The following SPMIP4 variants were observed in gnomAD, a reference collection of about 807,000 sequenced individuals.
The protein encoded by SPMIP4 is sperm-associated microtubule inner protein 4.
chr7:25,158,963 C>T, the SPMIP4 span, among the ~76,000 whole-genome samples: 6 of 152,120 alleles, frequency 3.9e-5, no homozygotes, highest in African/African-American at 1.4e-4. Context: ...ACAAGACAGG[C>T]ATATGTTGTT....
At chr7:25,168,859 GAC>G in the SPMIP4 span, among the ~76,000 whole-genome samples, 1 of 151,052 alleles carries the variant, frequency 6.6e-6, no homozygotes, top group African/African-American at 2.4e-5. Context: ...CCGAGTAGCT[GAC>G]ATTACAGGGG....
the SPMIP4 span, among the ~76,000 whole-genome samples, chr7:25,132,741 C>T: frequency 6.6e-6 from 1 of 152,078 alleles, no homozygotes; most frequent in Non-Finnish European, 1.5e-5. This position sits in a 1 kb window ranked among gnomAD's most constrained non-coding sequence, Gnocchi z 5.0. Context: ...TAAACAATAC[C>T]TAATTTACAA....
the SPMIP4 span, among the ~76,000 whole-genome samples, chr7:25,152,401 A>G: frequency 4.6e-5 from 7 of 152,170 alleles, no homozygotes; most frequent in East Asian, 5.8e-4. Flanking sequence ...TGTTCTGAAC[A>G]CCCATCTTCA....
the SPMIP4 span, among the ~76,000 whole-genome samples, chr7:25,155,505 A>G: frequency 6.6e-6 from 1 of 152,204 alleles, no homozygotes; most frequent in Non-Finnish European, 1.5e-5. Context: ...CAAAAAATAA[A>G]TGAGTTTTGT....
At chr7:25,137,453 TGAG>T in the SPMIP4 span, among the ~76,000 whole-genome samples, 1 of 152,146 alleles carries the variant, frequency 6.6e-6, no homozygotes, top group African/African-American at 2.4e-5. Flanking sequence ...GCTGCCATAA[TGAG>T]GTACCACAAA....
At chr7:25,144,571 C>A in the SPMIP4 span, among the ~76,000 whole-genome samples, 2 of 152,206 alleles carry the variant, frequency 1.3e-5, no homozygotes, top group Non-Finnish European at 2.9e-5. Flanking sequence ...TAAGAAGGGC[C>A]TAGGATTGGG....
the SPMIP4 span, among the ~76,000 whole-genome samples, chr7:25,140,545 A>AC: frequency 9.2e-5 from 14 of 151,468 alleles, no homozygotes; most frequent in Admixed American, 9.2e-4. Flanking sequence ...CAGGTGGTCC[A>AC]CCCGCCTCAG....
the SPMIP4 span, among the ~76,000 whole-genome samples, chr7:25,154,578 A>G: frequency 1.3e-5 from 2 of 152,162 alleles, no homozygotes; most frequent in African/African-American, 2.4e-5. Flanking sequence ...TCTTATTTCA[A>G]TGGGGATCTT....
At chr7:25,172,786 T>C in the SPMIP4 span, among the ~76,000 whole-genome samples, 5 of 152,140 alleles carry the variant, frequency 3.3e-5, no homozygotes, top group East Asian at 1.9e-4. This position sits in a 1 kb window ranked among gnomAD's most constrained non-coding sequence, Gnocchi z 4.2. Flanking sequence ...GCTGAGAAAA[T>C]AGAGTTGAAT....
At chr7:25,142,304 C>T in the SPMIP4 span, 7 of 1,612,876 alleles carry the variant, frequency 4.3e-6, no homozygotes, top group East Asian at 4.5e-5. Context: ...GGTAATCATC[C>T]AGTTCAAGGG....
chr7:25,176,197 C>T, the SPMIP4 span, among the ~76,000 whole-genome samples: 1 of 152,190 alleles, frequency 6.6e-6, no homozygotes, highest in Admixed American at 6.5e-5. This position sits in a 1 kb window ranked among gnomAD's most constrained non-coding sequence, Gnocchi z 4.4. Context: ...TGATCACTAA[C>T]CAACTATAGG....
At chr7:25,165,275 G>C in the SPMIP4 span, among the ~76,000 whole-genome samples, 1 of 151,806 alleles carries the variant, frequency 6.6e-6, no homozygotes, top group Admixed American at 6.6e-5. Context: ...ATTTCATATA[G>C]GATGCATTGG....
chr7:25,142,287 T>C, the SPMIP4 span: 1 of 1,613,302 alleles, frequency 6.2e-7, no homozygotes, highest in Non-Finnish European at 8.5e-7. Flanking sequence ...TGCTACCATC[T>C]TTTCATGGTA....
chr7:25,154,338 G>A, the SPMIP4 span, among the ~76,000 whole-genome samples: 3 of 152,132 alleles, frequency 2.0e-5, no homozygotes, highest in Admixed American at 6.5e-5. Context: ...TATCATTTCT[G>A]TCCCTCTCTC....
At chr7:25,143,564 C>T in the SPMIP4 span, among the ~76,000 whole-genome samples, 2 of 144,000 alleles carry the variant, frequency 1.4e-5, no homozygotes, top group African/African-American at 2.6e-5. Context: ...AATTCTTTGT[C>T]ATAAAAGAAG....
chr7:25,153,397 C>T, the SPMIP4 span, among the ~76,000 whole-genome samples: 1 of 151,478 alleles, frequency 6.6e-6, no homozygotes. Flanking sequence ...AACCCTGTCT[C>T]TACTAAAAAT....
the SPMIP4 span, among the ~76,000 whole-genome samples, chr7:25,178,466 C>A: frequency 1.3e-5 from 2 of 152,070 alleles, no homozygotes; most frequent in African/African-American, 2.4e-5. Flanking sequence ...TTTGGTGAAG[C>A]AAAAATTTAC....
the SPMIP4 span, chr7:25,154,928 T>C: frequency 2.3e-6 from 3 of 1,332,376 alleles, no homozygotes; most frequent in South Asian, 4.1e-5. Context: ...CTTGAGTCCT[T>C]TGTGCTCCTT....
At chr7:25,152,678 C>T in the SPMIP4 span, among the ~76,000 whole-genome samples, 3 of 151,736 alleles carry the variant, frequency 2.0e-5, no homozygotes, top group South Asian at 2.1e-4. Flanking sequence ...TTCCTTCTTT[C>T]CTTCCTCCCT....
Sources: gnomAD v4.1 joint callset for allele counts (sites outside exome capture counted in the v4.1 genomes callset) on GRCh38, gnomAD v4.1.1 for gene constraint, Gnocchi (gnomAD v3.1) non-coding constraint, MANE v1.5 for transcripts, NCBI Gene and HGNC (gene_info 2026-07-23, HGNC 2026-07-21) for gene names.